PEBP4: variants seen among roughly 807,000 people sequenced by gnomAD.
The protein encoded by PEBP4 is phosphatidylethanolamine-binding protein 4.
PEBP4 carries 22 observed loss-of-function variants against 23.9 expected under a neutral mutation model. The observed-to-expected ratio is 0.92, with a 90% CI of 0.66 to 1.31. The LOEUF is 1.31. Ranked by LOEUF, PEBP4 falls within the 40% of genes most tolerant of loss-of-function variation. PEBP4 has a pLI of 0.00. For missense variants in PEBP4, 324 were observed against 281.7 expected (o/e 1.15, Z -1.07); for synonymous variants, 112 against 99.3 (o/e 1.13, Z -0.76).
At chr8:22,786,911 C>A (rs1225741679) in intron 4 of PEBP4, among the ~76,000 whole-genome samples, 2 of 152,174 alleles carry the variant, frequency 1.3e-5, no homozygotes, top group Non-Finnish European at 2.9e-5. Flanking sequence ...GCATCAACCT[C>A]CAAGGCCCAA....
rs1804667047 is a variant in PEBP4 at position 22,728,559 on chromosome 8, T to TTCCTTCCTTCCTTCCTTC, written c.358-1340_358-1339insGAAGGAAGGAAGGAAGGA. Among the ~76,000 whole-genome samples, 238 of 96,302 alleles carry TTCCTTCCTTCCTTCCTTC rather than the reference T, an allele frequency of 2.5e-3. 2 individuals carry two copies. Among genetic ancestry groups the TTCCTTCCTTCCTTCCTTC allele is most frequent in the African/African-American group, 8.5e-3 (184 of 21,700 alleles). The allele number at this position is 96,302 out of a possible 152,430, so 63.2% of individuals were successfully genotyped here. A position where few individuals can be genotyped will look rare whatever the true frequency, so the allele number is the denominator to read the frequency against. Reference sequence around the variant, plus strand: ...TTCTTCCTTCCTTTCTTTCTTTCTTTCTTCCTTCCTTCCTTCCTTCCTTCC... The same window carrying TTCCTTCCTTCCTTCCTTC: ...TTCTTCCTTCCTTTCTTTCTTTCTTTTCCTTCCTTCCTTCCTTCCTTCCTTCCTTCCTTCCTTCCTTCC... On this transcript the variant is annotated intron_variant, in intron 4 of 6. Transcript: ENST00000256404.
Position 22,926,034 on chromosome 8 carries a change from G to A in PEBP4, c.131+1550C>T, listed in dbSNP as rs144648622. On this transcript the variant is annotated intron_variant, in intron 2 of 6. Coordinates refer to ENST00000256404, the MANE Select transcript of PEBP4 (RefSeq NM_144962.3). ...TCTGTCGCCCAGGCTAGAGTGCAGT[G>A]GCGCAATCTCGGCTCACTGCAACCT... 8.6e-3 allele frequency among the ~76,000 whole-genome samples: 1,305 copies of A among 152,276 alleles called. 13 individuals are homozygous for A. The highest frequency in any genetic ancestry group is 0.03 in the African/African-American group (1,255 of 41,558).
At chr8:22,926,833 T>C (rs1417777985) in intron 2 of PEBP4, among the ~76,000 whole-genome samples, 1 of 152,226 alleles carries the variant, frequency 6.6e-6, no homozygotes, top group East Asian at 1.9e-4. Flanking sequence ...AAAGTTCTTT[T>C]TCCTCCTCTC....
chr8:22,777,049 G>GCT (rs1805828607), intron 4 of PEBP4, among the ~76,000 whole-genome samples: 1 of 151,998 alleles, frequency 6.6e-6, no homozygotes, highest in Non-Finnish European at 1.5e-5. Context: ...CCGGAGGGAG[G>GCT]GAGCTACAAA....
intron 2 of PEBP4, among the ~76,000 whole-genome samples, chr8:22,927,088 C>G (rs1335262057): frequency 6.6e-6 from 1 of 152,236 alleles, no homozygotes. Flanking sequence ...TCACCCAACT[C>G]CATCCAGTGC....
In PEBP4 at chr8:22,730,489, T is replaced by C. The variant is rs565872712; in HGVS notation, c.358-3269A>G. ...CCAGGGAGGTGATCCTGAGCCATGA[T>C]GGTGCCACCGCACTTCAGCCTGGAT... On this transcript the variant is annotated intron_variant, in intron 4 of 6. Transcript: ENST00000256404. Among the ~76,000 whole-genome samples the C allele has an allele frequency of 3.7e-3, 568 of 152,360 alleles. 2 individuals carry two copies. Among genetic ancestry groups the C allele is most frequent in the African/African-American group, 0.013 (532 of 41,590 alleles).
At position 22,820,504 on chromosome 8, in the gene PEBP4, G is replaced by C. The variant is rs903526530; in HGVS notation, c.259-2769C>G. Among the ~76,000 whole-genome samples the C allele has an allele frequency of 6.6e-5, 10 of 152,296 alleles. No homozygotes were observed. The East Asian group carries it at 9.7e-4, about 15-fold the overall frequency. ...CCGGGAGAGGCAGGCACACCCTGTT[G>C]TTCTAAATGCTTTCTGATGTTCTAA... On this transcript the variant is annotated intron_variant, in intron 3 of 6. Coordinates refer to ENST00000256404, the MANE Select transcript of PEBP4 (RefSeq NM_144962.3).
chr8:22,883,298 T>C (rs1417452925), intron 3 of PEBP4, among the ~76,000 whole-genome samples: 1 of 152,172 alleles, frequency 6.6e-6, no homozygotes, highest in Non-Finnish European at 1.5e-5. Context: ...GAAAGTCCCA[T>C]CAGTTTCTCA....
Position 22,729,888 on chromosome 8 carries a change from T to A in PEBP4, c.358-2668A>T, listed in dbSNP as rs1035629779. ...CTCTTTGGCCATAAACCTTTCCTCA[T>A]TGGTCAGTCCTGGAGGGGCTACAAT... On this transcript the variant is annotated intron_variant, in intron 4 of 6. Coordinates refer to ENST00000256404, the MANE Select transcript of PEBP4 (RefSeq NM_144962.3). 1.3e-4 allele frequency among the ~76,000 whole-genome samples: 20 copies of A among 152,178 alleles called. 1 individual carries two copies. Among genetic ancestry groups the A allele is most frequent in the African/African-American group, 4.3e-4 (18 of 41,442 alleles).
chr8:22,938,648 G>A (rs1809571043), intron 1 of PEBP4, among the ~76,000 whole-genome samples: 1 of 152,142 alleles, frequency 6.6e-6, no homozygotes, highest in South Asian at 2.1e-4. Context: ...GATTGGGAAA[G>A]GGAGAAAATC....
chr8:22,811,228 A>G (rs1026343923), intron 4 of PEBP4, among the ~76,000 whole-genome samples: 2 of 152,204 alleles, frequency 1.3e-5, no homozygotes, highest in African/African-American at 4.8e-5. Flanking sequence ...TTTCAAATGA[A>G]CAATTATGCT....
intron 3 of PEBP4, among the ~76,000 whole-genome samples, chr8:22,867,140 C>T (rs200955923): frequency 1.3e-5 from 2 of 152,282 alleles, no homozygotes; most frequent in East Asian, 1.9e-4. Context: ...CTGCCCTTTC[C>T]CTTGAAGACC....
intron 3 of PEBP4, among the ~76,000 whole-genome samples, chr8:22,872,445 G>A (rs1348014252): frequency 1.3e-5 from 2 of 152,238 alleles, no homozygotes; most frequent in African/African-American, 4.8e-5. Flanking sequence ...GCTGGCTGCA[G>A]CCCTGTGCAG....
At chr8:22,856,683 T>G (rs1010793610) in intron 3 of PEBP4, among the ~76,000 whole-genome samples, 1 of 152,082 alleles carries the variant, frequency 6.6e-6, no homozygotes, top group Admixed American at 6.5e-5. Context: ...CCCATTGCAC[T>G]CTAGCCTGGG....
chr8:22,806,203 T>G (rs1250480558), intron 4 of PEBP4, among the ~76,000 whole-genome samples: 1 of 152,224 alleles, frequency 6.6e-6, no homozygotes, highest in East Asian at 1.9e-4. Flanking sequence ...TAAATTTAAA[T>G]TTCTCAATGC....
intron 3 of PEBP4, among the ~76,000 whole-genome samples, chr8:22,824,974 C>T (rs977692518): frequency 1.2e-4 from 19 of 152,156 alleles, no homozygotes; most frequent in African/African-American, 4.6e-4. Flanking sequence ...CATTGCAGGG[C>T]ACTGTTGCAG....
intron 3 of PEBP4, among the ~76,000 whole-genome samples, chr8:22,848,045 T>C (rs1807475399): frequency 6.6e-6 from 1 of 152,180 alleles, no homozygotes; most frequent in Non-Finnish European, 1.5e-5. Context: ...TCTCTCTCTC[T>C]GTCGCTTTCT....
chr8:22,748,302 G>C (rs562046241), intron 4 of PEBP4, among the ~76,000 whole-genome samples: 10 of 152,170 alleles, frequency 6.6e-5, no homozygotes, highest in Non-Finnish European at 1.2e-4. Flanking sequence ...AGGGTGAGGG[G>C]ACAGAAGCCC....
At chr8:22,795,094 C>T (rs865795971) in intron 4 of PEBP4, among the ~76,000 whole-genome samples, 1 of 137,114 alleles carries the variant, frequency 7.3e-6, no homozygotes, top group Non-Finnish European at 1.5e-5. Flanking sequence ...CTCACCAGTG[C>T]CTACTTTTAA....
Sources: allele counts gnomAD v4.1 joint callset (sites outside exome capture counted in the v4.1 genomes callset), GRCh38; gene constraint gnomAD v4.1.1; transcripts MANE v1.5; gene names NCBI Gene and HGNC (gene_info 2026-07-23, HGNC 2026-07-21).